The following ARHGAP21 variants were observed in gnomAD, a reference collection of about 807,000 sequenced individuals.
ARHGAP21 encodes Rho GTPase activating protein 21.
Under a neutral mutation model 164.6 loss-of-function variants are expected in ARHGAP21, and 38 were observed. The ratio of observed to expected loss-of-function variants is 0.23; its 90% CI spans 0.18 to 0.30. The LOEUF is 0.30. Ranked by LOEUF, ARHGAP21 falls within the 10% of genes least tolerant of loss-of-function variation. The pLI is 1.00. For missense variants in ARHGAP21, 1,822 were observed against 2,370.7 expected, an observed-to-expected ratio of 0.77 and a Z score of 4.81; for synonymous variants, 766 against 857.9, an observed-to-expected ratio of 0.89 and a Z score of 1.87.
At chr10:24,681,295 C>T (rs534219143) in intron 2 of ARHGAP21, among the ~76,000 whole-genome samples, 10 of 152,236 alleles carry the variant, frequency 6.6e-5, no homozygotes, top group African/African-American at 2.2e-4. Flanking sequence ...CTAAGTCATA[C>T]TTAAATAAAA....
At chr10:24,595,283 A>G in intron 19 of ARHGAP21, 93 bp from the exon 20 acceptor site, 1 of 1,046,190 alleles carries the variant, frequency 9.6e-7, no homozygotes, top group Non-Finnish European at 1.4e-6. Flanking sequence ...AAACCACAAC[A>G]TAGGAAAGAG....
chr10:24,722,748 T>C (rs1846053759), intron 1 of ARHGAP21: 3 of 151,140 alleles, frequency 2.0e-5, no homozygotes, highest in African/African-American at 7.3e-5. Context: ...CGTCTCCGGG[T>C]GACTCGGGCG....
chr10:24,676,826 A>G (rs1841298215), intron 2 of ARHGAP21, among the ~76,000 whole-genome samples: 1 of 152,232 alleles, frequency 6.6e-6, no homozygotes, highest in African/African-American at 2.4e-5. Context: ...CATTAAAATA[A>G]GAATAAATGC....
At chr10:24,619,288 G>C (rs1286460265) in intron 9 of ARHGAP21, among the ~76,000 whole-genome samples, 185 bp downstream of exon 9, 1 of 151,878 alleles carries the variant, frequency 6.6e-6, no homozygotes, top group Admixed American at 6.6e-5. Flanking sequence ...AGGAAAATTG[G>C]TACTAGAAAT....
rs745597026 is a variant in ARHGAP21, at chr10:24,633,450, C to T, written c.392G>A (p.Ser131Asn). Residue 131 changes from serine (S) to asparagine (N), a missense_variant, in exon 6 of 26, where the codon AGT (serine) becomes AAT (asparagine). Coordinates refer to ENST00000396432, the MANE Select transcript of ARHGAP21 (RefSeq NM_020824.4). ...TTGGGAATAGGTTTTGCCAATAACA[C>T]TTTCTCCATTGACTTTTATAATTCG... ...GDRIIKVNGE[S>N]VIGKTYSQVI... 16 of 1,611,608 alleles carry T rather than the reference C, an allele frequency of 9.9e-6. No homozygotes were observed. The highest frequency in any genetic ancestry group is 2.2e-5 in the East Asian group (1 of 44,746).
At chr10:24,676,226 G>T (rs1841228914) in intron 2 of ARHGAP21, among the ~76,000 whole-genome samples, 1 of 152,154 alleles carries the variant, frequency 6.6e-6, no homozygotes. Context: ...ATTAATCATT[G>T]TTTCCTATCT....
chr10:24,586,934 G>A (rs1319778183), intron 25 of ARHGAP21, among the ~76,000 whole-genome samples: 1 of 152,116 alleles, frequency 6.6e-6, no homozygotes, highest in Admixed American at 6.5e-5. Flanking sequence ...TGGCTACTTG[G>A]GAGGCCGAGG....
chr10:24,708,094 A>G (rs1001104462), intron 2 of ARHGAP21, among the ~76,000 whole-genome samples: 1 of 152,232 alleles, frequency 6.6e-6, no homozygotes, highest in Non-Finnish European at 1.5e-5. Flanking sequence ...TAGGTTAAAC[A>G]ATGCTGCTGC....
intron 2 of ARHGAP21, among the ~76,000 whole-genome samples, chr10:24,703,454 CAG>C (rs967396319): frequency 2.6e-5 from 4 of 152,106 alleles, no homozygotes; most frequent in African/African-American, 9.7e-5. Flanking sequence ...TTGGTACTGT[CAG>C]AGAGGAGAAG....
intron 12 of ARHGAP21, among the ~76,000 whole-genome samples, chr10:24,603,055 C>T (rs1286093172): frequency 2.0e-5 from 3 of 152,112 alleles, no homozygotes; most frequent in Admixed American, 6.5e-5. Context: ...GCAGCTGACA[C>T]CAGCTGCAGT....
At chr10:24,688,931 G>A (rs1455095848) in intron 2 of ARHGAP21, among the ~76,000 whole-genome samples, 1 of 152,120 alleles carries the variant, frequency 6.6e-6, no homozygotes, top group Non-Finnish European at 1.5e-5. Context: ...CTGAAAGATA[G>A]CTTAGAACAG....
intron 4 of ARHGAP21, among the ~76,000 whole-genome samples, chr10:24,654,380 A>G (rs1838564814): frequency 6.6e-6 from 1 of 152,208 alleles, no homozygotes; most frequent in Non-Finnish European, 1.5e-5. Context: ...AGAAAACCCT[A>G]TCGCCTCAGC....
chr10:24,590,208 T>C, intron 24 of ARHGAP21: 1 of 1,451,178 alleles, frequency 6.9e-7, no homozygotes, highest in Non-Finnish European at 9.0e-7. Flanking sequence ...GACCATACCA[T>C]GCTATTTCTC....
chr10:24,631,434 G>C (rs1835848058), intron 6 of ARHGAP21, among the ~76,000 whole-genome samples: 1 of 152,024 alleles, frequency 6.6e-6, no homozygotes, highest in African/African-American at 2.4e-5. Flanking sequence ...TCCACCAAAT[G>C]CTTCAACAGC....
At chr10:24,640,741 T>C (rs1248580385) in intron 4 of ARHGAP21, among the ~76,000 whole-genome samples, 1 of 151,920 alleles carries the variant, frequency 6.6e-6, no homozygotes, top group East Asian at 1.9e-4. Flanking sequence ...GTCTGAGTGA[T>C]GAAAAGGGAT....
intron 2 of ARHGAP21, among the ~76,000 whole-genome samples, chr10:24,682,614 A>G (rs899506631): frequency 6.6e-6 from 1 of 152,144 alleles, no homozygotes; most frequent in African/African-American, 2.4e-5. Flanking sequence ...ACTCTTGAAT[A>G]CAGTTTATTG....
intron 24 of ARHGAP21, chr10:24,590,940 T>TAAA (rs901265529): frequency 7.6e-5 from 56 of 739,464 alleles, no homozygotes; most frequent in Middle Eastern, 1.4e-3. Flanking sequence ...AACTGTGAAT[T>TAAA]AAAAAAAAAA....
intron 2 of ARHGAP21, among the ~76,000 whole-genome samples, chr10:24,690,393 C>A (rs1434411014): frequency 1.3e-5 from 2 of 152,152 alleles, no homozygotes; most frequent in Non-Finnish European, 2.9e-5. Context: ...CCAGCCAACA[C>A]TGAGTATTTT....
chr10:24,617,199 T>A (rs1565022421), intron 9 of ARHGAP21, among the ~76,000 whole-genome samples: 1 of 152,230 alleles, frequency 6.6e-6, no homozygotes, highest in Non-Finnish European at 1.5e-5. Flanking sequence ...TATTTTCTAT[T>A]TTAGCCAAAA....
Sources: gnomAD v4.1 joint callset for allele counts (sites outside exome capture counted in the v4.1 genomes callset) on GRCh38, gnomAD v4.1.1 for gene constraint, MANE v1.5 for transcripts, NCBI Gene and HGNC (gene_info 2026-07-23, HGNC 2026-07-21) for gene names.